Variants in NLGN4X observed in about 807,000 individuals in gnomAD.
NLGN4X encodes the protein neuroligin 4 X-linked.
Under a neutral mutation model 40.3 loss-of-function variants are expected in NLGN4X, and 3 were observed. The observed-to-expected ratio is 0.07, with a 90% confidence interval of 0.03 to 0.19. The LOEUF is 0.19. Ranked by LOEUF, NLGN4X falls within the 10% of genes least tolerant of loss-of-function variation. The pLI is 1.00. For synonymous variants in NLGN4X, 270 were observed against 306.8 expected (o/e 0.88, Z 1.25); for missense variants, 382 against 708.3 (o/e 0.54, Z 5.23).
chrX:6,156,671 A>G (rs1397911325), intron 1 of NLGN4X, among the ~76,000 whole-genome samples: 1 of 111,058 alleles, frequency 9.0e-6, no homozygotes, highest in Non-Finnish European at 1.9e-5. Context: ...TTGGGTACTC[A>G]TGGACATAAA....
At chrX:6,207,422 T>C (rs1209118111) in intron 1 of NLGN4X, among the ~76,000 whole-genome samples, 6 of 112,272 alleles carry the variant, frequency 5.3e-5, no homozygotes, top group African/African-American at 1.3e-4. Context: ...AAACTTATTG[T>C]AAACCCATCC....
At position 6,029,319 on chromosome X, in the gene NLGN4X, C is replaced by T. The variant is rs761485903; in HGVS notation, c.586G>A (p.Val196Ile). The change falls in exon 3 of 6, where the codon GTC becomes ATC. Residue 196 changes from valine to isoleucine, a missense_variant. Around this residue, in one of 5 missense-constraint regions of NLGN4X, gnomAD observed 32 missense variants for 85.2 expected, o/e 0.38. Transcript: ENST00000381095. ...CGGTAGTTAATGGTGATCACGATGA[C>T]GTTTCCGTAGCTTGCCAAAATGCTG... ...DGSILASYGN[V>I]IVITINYRLG... 22 of 1,209,442 alleles carry T rather than the reference C, an allele frequency of 1.8e-5. No individual in the cohort carries two copies. The highest frequency in any genetic ancestry group is 2.2e-5 in the Non-Finnish European group (20 of 895,037).
intron 3 of NLGN4X, among the ~76,000 whole-genome samples, chrX:5,963,368 T>C (rs1476269312): frequency 1.8e-5 from 2 of 112,002 alleles, no homozygotes; most frequent in Middle Eastern, 4.7e-3. Flanking sequence ...ACTGTGTTCA[T>C]GTTTTAGTAA....
intron 3 of NLGN4X, among the ~76,000 whole-genome samples, chrX:5,988,110 T>C (rs1434581719): frequency 9.0e-6 from 1 of 111,501 alleles, no homozygotes; most frequent in Non-Finnish European, 1.9e-5. Flanking sequence ...AAAAGCCTTA[T>C]CCAATCTCCC....
rs1410731374 is a variant in NLGN4X at position 6,018,280 on chromosome X, C to A, written c.625+11000G>T. Among the ~76,000 whole-genome samples the A allele has an allele frequency of 3.6e-5, 4 of 111,343 alleles. No homozygotes were observed. In the South Asian group the frequency reaches 1.1e-3, roughly 31 times the overall value. ...TATGTTTACCACCAAGTATCTAAGA[C>A]CAACTGGGACATCTAAACAGATACT... On this transcript the variant is annotated intron_variant, in intron 3 of 5. Coordinates refer to ENST00000381095, the MANE Select transcript of NLGN4X (RefSeq NM_181332.3).
At chrX:6,119,848 T>C (rs1441301448) in intron 2 of NLGN4X, among the ~76,000 whole-genome samples, 2 of 111,642 alleles carry the variant, frequency 1.8e-5, no homozygotes, top group Non-Finnish European at 3.8e-5. Context: ...CTTTGTATTA[T>C]GGAATTAAGG....
intron 3 of NLGN4X, among the ~76,000 whole-genome samples, chrX:6,013,163 A>C (rs1360100669): frequency 8.9e-6 from 1 of 111,736 alleles, no homozygotes; most frequent in Non-Finnish European, 1.9e-5. Flanking sequence ...AGATATGTAG[A>C]TTTTTCTAAA....
rs780275142 is a variant in NLGN4X at position 6,073,326 on chromosome X, A to G, written c.473-43894T>C. On this transcript the variant is annotated intron_variant, in intron 2 of 5. Coordinates refer to ENST00000381095, the MANE Select transcript of NLGN4X (RefSeq NM_181332.3). ...ATGTTTTGAACAAATTTGGAACTCA[A>G]TAAGTGTTTGTTGATGGGATGAATT... is the stretch of plus-strand genomic sequence containing the variant. Among the ~76,000 whole-genome samples, 4 of 112,522 alleles carry G rather than the reference A, an allele frequency of 3.6e-5. No homozygotes were observed. The South Asian group carries it at 1.1e-3, about 31-fold the overall frequency.
intron 2 of NLGN4X, among the ~76,000 whole-genome samples, chrX:6,119,482 C>G (rs72609513): frequency 9.0e-6 from 1 of 111,128 alleles, no homozygotes; most frequent in African/African-American, 3.3e-5. Context: ...TAGAAAGATT[C>G]TGAGGAAAAG....
chrX:5,991,829 T>C (rs2085138879), intron 3 of NLGN4X, among the ~76,000 whole-genome samples: 3 of 112,150 alleles, frequency 2.7e-5, no homozygotes, highest in Non-Finnish European at 5.6e-5. Context: ...TATTTTACCT[T>C]CACTTTAATT....
chrX:5,899,704 T>A lies in NLGN4X; in HGVS notation c.1601+3373A>T, dbSNP rs200870336. Among the ~76,000 whole-genome samples, 143 of 95,350 alleles carry A rather than the reference T, an allele frequency of 1.5e-3. 2 individuals are homozygous for A. In the East Asian group the frequency reaches 0.018, roughly 12 times the overall value. 82.8% of individuals were successfully genotyped at this position (95,350 alleles called of 115,157 possible). ...TGTCTTTTTTCCTTTTTTTTTTTTT[T>A]TATTTTTTTTTAATAATGAGAGAGC... On this transcript the variant is annotated intron_variant, in intron 5 of 5. Coordinates refer to ENST00000381095, the MANE Select transcript of NLGN4X (RefSeq NM_181332.3).
chrX:6,078,088 C>T (rs2038252118), intron 2 of NLGN4X, among the ~76,000 whole-genome samples: 1 of 111,467 alleles, frequency 9.0e-6, no homozygotes. Flanking sequence ...GCTTAAATTC[C>T]TCACCCTCAT....
At chrX:6,065,324 A>G (rs1476840588) in intron 2 of NLGN4X, among the ~76,000 whole-genome samples, 3 of 104,431 alleles carry the variant, frequency 2.9e-5, no homozygotes, top group Admixed American at 1.1e-4. Flanking sequence ...GAAAGAGAGT[A>G]CTGGTTAAGT....
chrX:6,217,364 C>T (rs755598064), intron 1 of NLGN4X, among the ~76,000 whole-genome samples: 2 of 111,616 alleles, frequency 1.8e-5, no homozygotes, highest in Admixed American at 9.5e-5. Context: ...CACATAACTT[C>T]TTGTGTAATT....
At chrX:6,037,411 C>T (rs1436724693) in intron 2 of NLGN4X, among the ~76,000 whole-genome samples, 1 of 111,127 alleles carries the variant, frequency 9.0e-6, no homozygotes, top group African/African-American at 3.3e-5. Flanking sequence ...GTCACATATA[C>T]TGCTGTTAAC....
intron 3 of NLGN4X, among the ~76,000 whole-genome samples, chrX:6,020,803 CCCTT>C (rs202238957): frequency 0.015 from 1,648 of 110,168 alleles, 13 homozygotes; most frequent in South Asian, 0.043. Flanking sequence ...TCCACTCCCT[CCCTT>C]GATTTTCTTT....
intron 1 of NLGN4X, among the ~76,000 whole-genome samples, chrX:6,154,788 C>T (rs772937859): frequency 2.8e-4 from 31 of 111,752 alleles, no homozygotes; most frequent in Non-Finnish European, 5.6e-4. Context: ...ATAATAATAT[C>T]TCAGAATGGC....
Position 5,899,213 on chromosome X carries a change from A to T in NLGN4X, c.1601+3864T>A, listed in dbSNP as rs189328838. ...TTAAAAGAGCTCACTGCATTAATAC[A>T]CTCAGTGTTATTTCAGGGATGTTTC... On this transcript the variant is annotated intron_variant, in intron 5 of 5. Transcript: ENST00000381095. 4.6e-4 allele frequency among the ~76,000 whole-genome samples: 52 copies of T among 112,294 alleles called. No individual in the cohort carries two copies. In the East Asian group the frequency reaches 0.011, roughly 23 times the overall value.
At chrX:6,022,910 T>C (rs935016113) in intron 3 of NLGN4X, among the ~76,000 whole-genome samples, 2 of 111,763 alleles carry the variant, frequency 1.8e-5, no homozygotes, top group African/African-American at 6.5e-5. Flanking sequence ...GTTTCTGCTA[T>C]GCATGTTGGT....
Sources: allele counts gnomAD v4.1 joint callset (sites outside exome capture counted in the v4.1 genomes callset), GRCh38; gene constraint gnomAD v4.1.1; regional missense constraint gnomAD v4.1.1; transcripts MANE v1.5; gene names NCBI Gene and HGNC (gene_info 2026-07-23, HGNC 2026-07-21).